The following TTC39A variants were observed in gnomAD, a reference collection of about 807,000 sequenced individuals.
The protein encoded by TTC39A is tetratricopeptide repeat domain 39A, also known as tetratricopeptide repeat protein 39A.
In TTC39A, 46 loss-of-function variants were observed where a neutral mutation model predicts 82.3. The ratio of observed to expected loss-of-function variants is 0.56; its 90% CI spans 0.44 to 0.71. TTC39A has a LOEUF of 0.71. Among genes scored for constraint, TTC39A ranks in the 30% least tolerant of loss-of-function variants. The probability of loss-of-function intolerance (pLI) is 0.00; values close to 1 mark genes in which losing one functional copy is unlikely to be tolerated. For missense variants in TTC39A, 543 were observed against 712.9 expected (o/e 0.76, Z 2.71); for synonymous variants, 254 against 275.2 (o/e 0.92, Z 0.76).
chr1:51,302,100 T>TC (rs766714924), intron 11 of TTC39A: 1 of 722,034 alleles, frequency 1.4e-6, no homozygotes. Flanking sequence ...TCCCTCCACC[T>TC]CCCTCCACTG....
chr1:51,322,574 AAATGAATGAATGAATG>A (rs140876899), intron 1 of TTC39A, among the ~76,000 whole-genome samples: 57 of 149,898 alleles, frequency 3.8e-4, no homozygotes, highest in African/African-American at 1.1e-3. Flanking sequence ...TCTGTTAGGT[AAATGAATGAATGAATG>A]AATGAATGAA....
chr1:51,318,531 C>A (rs377568215), intron 2 of TTC39A, among the ~76,000 whole-genome samples: 1 of 152,128 alleles, frequency 6.6e-6, no homozygotes, highest in Admixed American at 6.5e-5. Flanking sequence ...TGACCCTAGA[C>A]GGGAGAAAGA....
At chr1:51,337,829 C>T (rs1334587061) in intron 1 of TTC39A, among the ~76,000 whole-genome samples, 1 of 152,076 alleles carries the variant, frequency 6.6e-6, no homozygotes, top group Non-Finnish European at 1.5e-5. Flanking sequence ...TTTTATTTTG[C>T]TTATTCATTT....
Position 51,301,630 on chromosome 1 carries a change from T to C in TTC39A, c.995A>G (p.Gln332Arg), listed in dbSNP as rs767322899. 68 of 1,613,680 alleles carry C rather than the reference T, an allele frequency of 4.2e-5. No homozygotes were observed. The highest frequency in any genetic ancestry group is 1.6e-4 in the South Asian group (15 of 91,022). ...ELMWCFTYKG[Q>R]WKMSYFYADL... ...GGCGTAGAAGTAGGACATCTTCCAC[T>C]GGCCCTTGTAGGTGAAGCACCACAT... The change falls in exon 12 of 18, where the codon CAG becomes CGG. Residue 332 changes from glutamine to arginine, a missense_variant. Physicochemically the swap from Gln to Arg is conservative, Grantham distance 43 (BLOSUM62 1). Coordinates refer to ENST00000680483, the MANE Select transcript of TTC39A (RefSeq NM_001297663.2).
At position 51,321,940 on chromosome 1, in the gene TTC39A, G is replaced by A; in HGVS notation, c.42-115C>T. On this transcript the variant is annotated intron_variant, in intron 1 of 17. Transcript: ENST00000680483. This position sits in a 1 kb window ranked among gnomAD's most constrained non-coding sequence, Gnocchi z 4.6. ...CCTCCCTGGCCAGCCTTGGGTGCCT[G>A]TCACGAGCTCCTCCAGGCTGCCACT... 1 of 1,324,346 alleles carries A rather than the reference G, an allele frequency of 7.6e-7. No homozygotes were observed. Among genetic ancestry groups the A allele is most frequent in the Non-Finnish European group, 1.0e-6 (1 of 953,668 alleles). 82.0% of individuals were successfully genotyped at this position (1,324,346 alleles called of 1,614,324 possible).
chr1:51,288,062 AGGCAG>A lies in TTC39A; in HGVS notation c.*90_*94del. 2.0e-6 allele frequency: 3 copies of A among 1,525,652 alleles called. No individual in the cohort carries two copies. Among genetic ancestry groups the A allele is most frequent in the Non-Finnish European group, 1.8e-6 (2 of 1,131,076 alleles). The allele number at this position is 1,525,652 out of a possible 1,614,324, so 94.5% of individuals were successfully genotyped here. ...CAACTGGAGTGCCGGTGGACCCCAA[AGGCAG>A]GGCAGGGCAGGGGGAGGGGGTATTT... is the stretch of plus-strand genomic sequence containing the variant. On this transcript the variant is annotated 3_prime_UTR_variant, in exon 18 of 18. Coordinates refer to ENST00000680483, the MANE Select transcript of TTC39A (RefSeq NM_001297663.2). This position sits in a 1 kb window ranked among gnomAD's most constrained non-coding sequence, Gnocchi z 4.8.
chr1:51,330,479 G>A lies in TTC39A; in HGVS notation c.-2C>T. 1 of 983,716 alleles carries A rather than the reference G, an allele frequency of 1.0e-6. No homozygotes were observed. Among genetic ancestry groups the A allele is most frequent in the African/African-American group, 1.8e-5 (1 of 56,840 alleles). The allele number at this position is 983,716 out of a possible 1,614,324, so 60.9% of individuals were successfully genotyped here. A position where few individuals can be genotyped will look rare whatever the true frequency, so the allele number is the denominator to read the frequency against. On this transcript the variant is annotated 5_prime_UTR_variant, in exon 1 of 18. Transcript: ENST00000680483. This position sits in a 1 kb window ranked among gnomAD's most constrained non-coding sequence, Gnocchi z 4.5. Reference sequence around the variant, plus strand: ...TGGGGCGCCGCCAGCCGAGGTCATCGCCGAGGGGCGCGGGCGGCGCTGCCC... The same window carrying A: ...TGGGGCGCCGCCAGCCGAGGTCATCACCGAGGGGCGCGGGCGGCGCTGCCC...
intron 1 of TTC39A, among the ~76,000 whole-genome samples, chr1:51,325,557 G>T (rs970436532): frequency 6.6e-6 from 1 of 152,170 alleles, no homozygotes; most frequent in Non-Finnish European, 1.5e-5. Flanking sequence ...TGTGAAATGG[G>T]ATTATTACCC....
Position 51,294,191 on chromosome 1 carries a change from G to T in TTC39A, c.1266+200C>A, listed in dbSNP as rs948690873. Among the ~76,000 whole-genome samples the T allele has an allele frequency of 1.3e-5, 2 of 152,166 alleles. No individual in the cohort carries two copies. Among genetic ancestry groups the T allele is most frequent in the Non-Finnish European group, 1.5e-5 (1 of 68,022 alleles). The stretch of plus-strand genomic sequence containing the variant: ...TCTGCCTTTTATCTGCAGCCTGCCT[G>T]TCTCTCCACTCTCAGCCCCAATGGA... On this transcript the variant is annotated intron_variant, in intron 14 of 17. Coordinates refer to ENST00000680483, the MANE Select transcript of TTC39A (RefSeq NM_001297663.2). This position sits in a 1 kb window ranked among gnomAD's most constrained non-coding sequence, Gnocchi z 4.3.
In TTC39A at chr1:51,300,123, C is replaced by A. The variant is rs999500070; in HGVS notation, c.1053+1449G>T. 2 of 152,234 alleles carry A rather than the reference C, an allele frequency of 1.3e-5. 1 individual carries two copies. Among genetic ancestry groups the A allele is most frequent in the South Asian group, 4.1e-4 (2 of 4,830 alleles). The allele number at this position is 152,234 out of a possible 1,614,324, so 9.4% of individuals were successfully genotyped here. On this transcript the variant is annotated intron_variant, in intron 12 of 17. Transcript: ENST00000680483. ...CCTCTGAGTCACACAGGACTGTCCT[C>A]AAATCCGGTGTCTGTCACCAACAGC...
chr1:51,309,609 G>A (rs1015619721), intron 5 of TTC39A, among the ~76,000 whole-genome samples: 1 of 152,206 alleles, frequency 6.6e-6, no homozygotes, highest in African/African-American at 2.4e-5. Flanking sequence ...TGGAGGGACT[G>A]CGAGAAAGGA....
chr1:51,309,390 T>C (rs982822055), intron 5 of TTC39A, 65 bp from the exon 6 acceptor site: 1 of 1,610,938 alleles, frequency 6.2e-7, no homozygotes, highest in Admixed American at 1.7e-5. Context: ...AGAGGGATCA[T>C]GCAAGGCTCT....
chr1:51,303,005 C>T lies in TTC39A; in HGVS notation c.763+79G>A, dbSNP rs142217948. On this transcript the variant is annotated intron_variant, in intron 9 of 17. Transcript: ENST00000680483. ...CCTATCCCTAGCCACAGGGCATGAACAGGGTCTGTAGCCCCTCGTTCTCCT... is the reference window on the plus strand; with the variant it reads ...CCTATCCCTAGCCACAGGGCATGAATAGGGTCTGTAGCCCCTCGTTCTCCT... 5,243 of 1,280,298 alleles carry T rather than the reference C, an allele frequency of 4.1e-3. 19 individuals carry two copies. The highest frequency in any genetic ancestry group is 7.1e-3 in the African/African-American group (484 of 67,902). 79.3% of individuals were successfully genotyped at this position (1,280,298 alleles called of 1,614,324 possible). A position where few individuals can be genotyped will look rare whatever the true frequency, so the allele number is the denominator to read the frequency against.
rs116604118 is a variant in TTC39A, at chr1:51,324,755, G to T, written c.42-2930C>A. On this transcript the variant is annotated intron_variant, in intron 1 of 17. Transcript: ENST00000680483. ...GCTAGGCTGGTATCAAACTCCTCAGGTGTTTGACCTCAGGTGATCCACCCG... is the reference window on the plus strand; with the variant it reads ...GCTAGGCTGGTATCAAACTCCTCAGTTGTTTGACCTCAGGTGATCCACCCG... Among the ~76,000 whole-genome samples, 741 of 151,734 alleles carry T rather than the reference G, an allele frequency of 4.9e-3. 5 individuals carry two copies. Among genetic ancestry groups the T allele is most frequent in the African/African-American group, 0.016 (681 of 41,378 alleles).
Position 51,321,405 on chromosome 1 carries a change from T to C in TTC39A, c.146+316A>G, listed in dbSNP as rs1391597597. 6.6e-6 allele frequency among the ~76,000 whole-genome samples: 1 copy of C among 152,110 alleles called. No individual in the cohort carries two copies. The highest frequency in any genetic ancestry group is 2.4e-5 in the African/African-American group (1 of 41,424). ...CAGGCAACCTAAGTCTTTAGTGCTT[T>C]GGGGAAAAATAAACAAAGGAGTCAT... On this transcript the variant is annotated intron_variant, in intron 2 of 17. Coordinates refer to ENST00000680483, the MANE Select transcript of TTC39A (RefSeq NM_001297663.2). The surrounding 1 kb of genome is among the most constrained non-coding windows in gnomAD (Gnocchi z 4.6).
At chr1:51,324,503 A>G (rs1398837208) in intron 1 of TTC39A, among the ~76,000 whole-genome samples, 1 of 152,068 alleles carries the variant, frequency 6.6e-6, no homozygotes, top group Non-Finnish European at 1.5e-5. Context: ...GTGGGAGTTC[A>G]GGAATGTACT....
intron 14 of TTC39A, among the ~76,000 whole-genome samples, chr1:51,292,483 T>C (rs1324438185): frequency 6.6e-6 from 1 of 152,142 alleles, no homozygotes; most frequent in Admixed American, 6.5e-5. Flanking sequence ...CAGGCTGGAG[T>C]GCAGTGGCAC....
chr1:51,336,697 A>G (rs544570601), intron 1 of TTC39A, among the ~76,000 whole-genome samples: 1 of 152,012 alleles, frequency 6.6e-6, no homozygotes, highest in African/African-American at 2.4e-5. Flanking sequence ...AATTCATCCG[A>G]TTAGAGAATA....
At chr1:51,320,375 ATTCT>A (rs934558710) in intron 2 of TTC39A, among the ~76,000 whole-genome samples, 22 of 145,562 alleles carry the variant, frequency 1.5e-4, no homozygotes, top group African/African-American at 5.1e-4. Context: ...GTAAATACTG[ATTCT>A]TTCTTTCTTT....
Sources: gnomAD v4.1 joint callset for allele counts (sites outside exome capture counted in the v4.1 genomes callset) on GRCh38, gnomAD v4.1.1 for gene constraint, Gnocchi (gnomAD v3.1) non-coding constraint, MANE v1.5 for transcripts, NCBI Gene and HGNC (gene_info 2026-07-23, HGNC 2026-07-21) for gene names.